The following DNAH1 variants were observed in gnomAD, a reference collection of about 807,000 sequenced individuals.
DNAH1 encodes axonemal beta dynein heavy chain 1.
Under a neutral mutation model 484.3 loss-of-function variants are expected in DNAH1, and 327 were observed. The ratio of observed to expected loss-of-function variants is 0.68; its 90% CI spans 0.62 to 0.74. DNAH1 has a LOEUF of 0.74. Among genes scored for constraint, DNAH1 ranks in the 30% least tolerant of loss-of-function variants. The pLI is 0.00. For missense variants in DNAH1, 5,052 were observed against 5,546.8 expected (o/e 0.91, Z 2.83); for synonymous variants, 2,192 against 2,191.9 (o/e 1.00, Z 0.00).
At position 52,370,789 on chromosome 3, in the gene DNAH1, C is replaced by A. The variant is rs1380914782; in HGVS notation, c.6489C>A (p.Thr2163=). ...TGGAGGACGCGGGCATCAGTGGCACCAACGACAGTGAGGATGAAGAGGAGG... is the reference window on the plus strand; with the variant it reads ...TGGAGGACGCGGGCATCAGTGGCACAAACGACAGTGAGGATGAAGAGGAGG... ...YRLEDAGISG[T]NDSEDEEEEY... Residue 2163 remains threonine (T), a synonymous_variant, in exon 41 of 78, where the codon ACC becomes ACA. Transcript: ENST00000420323. 7 of 1,606,562 alleles carry A rather than the reference C, an allele frequency of 4.4e-6. No individual in the cohort carries two copies. The highest frequency in any genetic ancestry group is 5.9e-6 in the Non-Finnish European group (7 of 1,176,940).
intron 53 of DNAH1, among the ~76,000 whole-genome samples, 180 bp downstream of exon 53, chr3:52,385,157 C>T (rs1704044803): frequency 6.6e-6 from 1 of 152,254 alleles, no homozygotes; most frequent in South Asian, 2.1e-4. Flanking sequence ...CAGGCCAAAG[C>T]GTGGCACCCC....
chr3:52,315,682 C>A (rs1301815133), upstream of DNAH1, among the ~76,000 whole-genome samples: 4 of 152,172 alleles, frequency 2.6e-5, no homozygotes, highest in Non-Finnish European at 5.9e-5. Context: ...AAAAGATGGC[C>A]CTCCCATCAC....
chr3:52,315,920 G>A (rs1348553870), upstream of DNAH1, among the ~76,000 whole-genome samples: 4 of 152,204 alleles, frequency 2.6e-5, no homozygotes, highest in Admixed American at 6.5e-5. Context: ...TCCACAGCCC[G>A]CCCTTGAAGA....
At chr3:52,371,115 G>A (rs1012939648) in intron 41 of DNAH1, among the ~76,000 whole-genome samples, 4 of 152,210 alleles carry the variant, frequency 2.6e-5, no homozygotes, top group East Asian at 1.9e-4. Context: ...ACATTGATGC[G>A]GAGCCCAGGG....
In DNAH1 at chr3:52,368,534, C is replaced by T. The variant is rs370794128; in HGVS notation, c.5766-207C>T. 3.3e-5 allele frequency among the ~76,000 whole-genome samples: 5 copies of T among 152,316 alleles called. No individual in the cohort carries two copies. The East Asian group carries it at 9.7e-4, about 29-fold the overall frequency. Reference sequence around the variant, plus strand: ...TGGGATTTCACCTTTAATGGGGCTTCAGCAGGGCAGGGACATAAGCACATG... The same window carrying T: ...TGGGATTTCACCTTTAATGGGGCTTTAGCAGGGCAGGGACATAAGCACATG... On this transcript the variant is annotated intron_variant, in intron 36 of 77. Transcript: ENST00000420323. The surrounding 1 kb of genome is among the most constrained non-coding windows in gnomAD (Gnocchi z 4.4).
At chr3:52,331,099 C>T in intron 6 of DNAH1, 49 bp from the exon 7 acceptor site, 1 of 1,544,098 alleles carries the variant, frequency 6.5e-7, no homozygotes, top group Non-Finnish European at 8.8e-7. Flanking sequence ...GAGGCCCCTT[C>T]CTGCCCCCAT....
rs893203197 is a variant in DNAH1, at chr3:52,363,107, C to G, written c.5207C>G (p.Thr1736Ser). The change falls in exon 32 of 78, where the codon ACC becomes AGC. Residue 1736 changes from threonine to serine, a missense_variant. Coordinates refer to ENST00000420323, the MANE Select transcript of DNAH1 (RefSeq NM_015512.5). ...EASVLAKKITTTFKLSSEQLS... is the reference protein window; with the variant it reads ...EASVLAKKITSTFKLSSEQLS... ...AGTGTGCTGGCTAAGAAGATCACAA[C>G]CACCTTCAAGCTGTCTTCTGAGCAG... is the stretch of plus-strand genomic sequence containing the variant. 1.2e-6 allele frequency: 2 copies of G among 1,613,984 alleles called. No individual in the cohort carries two copies. The highest frequency in any genetic ancestry group is 8.5e-7 in the Non-Finnish European group (1 of 1,179,872).
At chr3:52,330,453 C>T (rs1357489637) in intron 6 of DNAH1, among the ~76,000 whole-genome samples, 2 of 152,210 alleles carry the variant, frequency 1.3e-5, no homozygotes, top group African/African-American at 2.4e-5. Flanking sequence ...AGCAATGAGG[C>T]GACCTGAGTG....
intron 34 of DNAH1, 91 bp from the exon 35 acceptor site, chr3:52,366,366 G>A (rs963613332): frequency 1.4e-5 from 14 of 982,416 alleles, no homozygotes; most frequent in African/African-American, 9.7e-5. Context: ...CTCAGGGAGT[G>A]CAGTGACTCA....
rs535938145 is a variant in DNAH1, at chr3:52,375,521, G to A, written c.7159+108G>A. On this transcript the variant is annotated intron_variant, in intron 45 of 77. Coordinates refer to ENST00000420323, the MANE Select transcript of DNAH1 (RefSeq NM_015512.5). Reference sequence around the variant, plus strand: ...AGAAAGGGTGGAGTGGCCAAACCATGACCGCAACCCTGGGTTCACCTCTCA... The same window carrying A: ...AGAAAGGGTGGAGTGGCCAAACCATAACCGCAACCCTGGGTTCACCTCTCA... The A allele has an allele frequency of 1.0e-3, 1,265 of 1,240,412 alleles. 5 individuals carry two copies. The highest frequency in any genetic ancestry group is 1.2e-3 in the Non-Finnish European group (1,102 of 893,902). 76.8% of individuals were successfully genotyped at this position (1,240,412 alleles called of 1,614,324 possible).
At position 52,374,344 on chromosome 3, in the gene DNAH1, T is replaced by C; in HGVS notation, c.6986-896T>C. 2.0e-6 allele frequency: 3 copies of C among 1,503,294 alleles called. No homozygotes were observed. The South Asian group carries it at 3.4e-5, about 17-fold the overall frequency. 93.1% of individuals were successfully genotyped at this position (1,503,294 alleles called of 1,614,324 possible). A position where few individuals can be genotyped will look rare whatever the true frequency, so the allele number is the denominator to read the frequency against. ...TGCACAAAGTGAAATCTCTTGAGTG[T>C]CTACCACCCCCAGCTGGCATACTGT... is the stretch of plus-strand genomic sequence containing the variant. On this transcript the variant is annotated intron_variant, in intron 44 of 77. Transcript: ENST00000420323.
chr3:52,314,208 C>G (rs1312341512), upstream of DNAH1, among the ~76,000 whole-genome samples: 1 of 152,244 alleles, frequency 6.6e-6, no homozygotes, highest in Non-Finnish European at 1.5e-5. Context: ...ATCAGAGGTG[C>G]TCAGAGCCTA....
chr3:52,326,569 C>G (rs1202192344), intron 4 of DNAH1, among the ~76,000 whole-genome samples, 166 bp from the exon 5 acceptor site: 1 of 152,094 alleles, frequency 6.6e-6, no homozygotes, highest in Non-Finnish European at 1.5e-5. Flanking sequence ...GACACCAGCC[C>G]CAGCCACCAC....
rs775741118 is a variant in DNAH1, at chr3:52,348,871, A to G, written c.2107-17A>G. On this transcript the variant is annotated splice_polypyrimidine_tract_variant and intron_variant, in intron 12 of 77. Transcript: ENST00000420323. The stretch of plus-strand genomic sequence containing the variant: ...GGCTCATCCAGGTCTGCCCTGCCAC[A>G]TGCCTTCCCTCTGCAGCTGGTGATG... 7.5e-6 allele frequency: 12 copies of G among 1,609,932 alleles called. No individual in the cohort carries two copies. Among genetic ancestry groups the G allele is most frequent in the East Asian group, 2.2e-5 (1 of 44,822 alleles).
In DNAH1 at chr3:52,362,520, T is replaced by C; in HGVS notation, c.5094+19T>C. 6.2e-7 allele frequency: 1 copy of C among 1,605,824 alleles called. No homozygotes were observed. On this transcript the variant is annotated intron_variant, in intron 31 of 77. Coordinates refer to ENST00000420323, the MANE Select transcript of DNAH1 (RefSeq NM_015512.5). This position sits in a 1 kb window ranked among gnomAD's most constrained non-coding sequence, Gnocchi z 5.1. ...TCTGAAGGCAAGTGCAGGCCCAGAGTGGCCCAGGAAGCACCAGAGCTCTAG... is the reference window on the plus strand; with the variant it reads ...TCTGAAGGCAAGTGCAGGCCCAGAGCGGCCCAGGAAGCACCAGAGCTCTAG...
rs573452233 is a variant in DNAH1 at position 52,390,952 on chromosome 3, C to T, written c.9639C>T (p.Asn3213=). 14 of 1,552,058 alleles carry T rather than the reference C, an allele frequency of 9.0e-6. No individual in the cohort carries two copies. The highest frequency in any genetic ancestry group is 4.1e-5 in the African/African-American group (3 of 73,158). Residue 3213 remains asparagine (N), a synonymous_variant, in exon 61 of 78, where the codon AAC becomes AAT. Transcript: ENST00000420323. ...IRSWQIAGLP[N]DTLSVENGVI... ...CTCCACAGATCGCTGGCCTCCCCAA[C>T]GACACACTGTCAGTGGAGAACGGGG... is the stretch of plus-strand genomic sequence containing the variant.
At position 52,323,751 on chromosome 3, in the gene DNAH1, G is replaced by T. The variant is rs1468292177; in HGVS notation, c.334-57G>T. 5 of 1,469,876 alleles carry T rather than the reference G, an allele frequency of 3.4e-6. No individual in the cohort carries two copies. The Admixed American group carries it at 8.0e-5, about 23-fold the overall frequency. The allele number at this position is 1,469,876 out of a possible 1,614,324, so 91.1% of individuals were successfully genotyped here. On this transcript the variant is annotated intron_variant, in intron 2 of 77. Transcript: ENST00000420323. ...CGCCTGGGCTCGGGGTCCCTCCCGG[G>T]TCCTGCCTGTCCCTGGGAGGTTGAC...
rs113366989 is a variant in DNAH1, at chr3:52,346,002, G to C, written c.1656+296G>C. On this transcript the variant is annotated intron_variant, in intron 10 of 77. Coordinates refer to ENST00000420323, the MANE Select transcript of DNAH1 (RefSeq NM_015512.5). ...CTGAAGCAGATCCCTTGTCTTAGAA[G>C]GGGGAGCAGGAACCTCAGGCACCCC... 1.6e-4 allele frequency among the ~76,000 whole-genome samples: 25 copies of C among 152,328 alleles called. 1 individual carries two copies. The highest frequency in any genetic ancestry group is 5.8e-4 in the African/African-American group (24 of 41,574).
rs182556976 is a variant in DNAH1 at position 52,349,543 on chromosome 3, G to A, written c.2526+123G>A. 296 of 917,960 alleles carry A rather than the reference G, an allele frequency of 3.2e-4. 1 individual carries two copies. The African/African-American group carries it at 4.4e-3, about 14-fold the overall frequency. 56.9% of individuals were successfully genotyped at this position (917,960 alleles called of 1,614,324 possible). A position where few individuals can be genotyped will look rare whatever the true frequency, so the allele number is the denominator to read the frequency against. On this transcript the variant is annotated intron_variant, in intron 14 of 77. Coordinates refer to ENST00000420323, the MANE Select transcript of DNAH1 (RefSeq NM_015512.5). Reference sequence around the variant, plus strand: ...GTCTGGGGTGTCTGTGGATGCCCAGGCCAAGGGAAGGAGCTGGAAATCACC... The same window carrying A: ...GTCTGGGGTGTCTGTGGATGCCCAGACCAAGGGAAGGAGCTGGAAATCACC...
Sources: gnomAD v4.1 joint callset for allele counts (sites outside exome capture counted in the v4.1 genomes callset) on GRCh38, gnomAD v4.1.1 for gene constraint, Gnocchi (gnomAD v3.1) non-coding constraint, MANE v1.5 for transcripts, NCBI Gene and HGNC (gene_info 2026-07-23, HGNC 2026-07-21) for gene names.